SETD5: variants seen among roughly 807,000 people sequenced by gnomAD.
SETD5 encodes the protein SET domain containing 5.
A neutral mutation model predicts 153.3 loss-of-function variants in SETD5; 44 were observed. That is an observed-to-expected ratio of 0.29 (90% CI 0.23 to 0.37). The LOEUF (loss-of-function observed/expected upper bound fraction) is 0.37. SETD5 is among the 10% of genes least tolerant of loss of function. The probability of loss-of-function intolerance (pLI) is 1.00; values close to 1 mark genes in which losing one functional copy is unlikely to be tolerated. For synonymous variants in SETD5, 716 were observed against 645.2 expected (o/e 1.11, Z -1.66); for missense variants, 1,544 against 1,768.0 (o/e 0.87, Z 2.27).
chr3:9,423,481 C>T (rs904763529), intron 1 of SETD5, among the ~76,000 whole-genome samples: 2 of 152,118 alleles, frequency 1.3e-5, no homozygotes, highest in African/African-American at 4.8e-5. Flanking sequence ...CATTTACCCC[C>T]TACTGTACAC....
intron 16 of SETD5, among the ~76,000 whole-genome samples, chr3:9,450,106 CA>C (rs1559442732): frequency 6.6e-6 from 1 of 152,142 alleles, no homozygotes; most frequent in Admixed American, 6.5e-5. Context: ...TAACGAAAAC[CA>C]AAAACGTGTC....
chr3:9,472,673 T>C (rs1362389363), intron 19 of SETD5, among the ~76,000 whole-genome samples: 1 of 152,098 alleles, frequency 6.6e-6, no homozygotes, highest in Non-Finnish European at 1.5e-5. Context: ...TTCTTCTGTT[T>C]TGTTTTGTTT....
intron 12 of SETD5, 87 bp downstream of exon 12, chr3:9,445,387 G>A: frequency 7.1e-7 from 1 of 1,404,948 alleles, no homozygotes; most frequent in Non-Finnish European, 9.9e-7. Context: ...TTAAGTAGGG[G>A]AGCTATAGTA....
Position 9,434,982 on chromosome 3 carries a change from C to T in SETD5, c.388+100C>T, listed in dbSNP as rs1027064976. On this transcript the variant is annotated intron_variant, in intron 6 of 22. Coordinates refer to ENST00000402198, the MANE Select transcript of SETD5 (RefSeq NM_001080517.3). This position sits in a 1 kb window ranked among gnomAD's most constrained non-coding sequence, Gnocchi z 5.6. ...CCTCTTGGCCAGGCGCAGTGGCTTA[C>T]GCCTGTAATCTCACCACTTAGGGAG... The T allele has an allele frequency of 1.8e-5, 25 of 1,372,022 alleles. No homozygotes were observed. Among genetic ancestry groups the T allele is most frequent in the African/African-American group, 1.2e-4 (8 of 68,884 alleles). The allele number at this position is 1,372,022 out of a possible 1,614,324, so 85.0% of individuals were successfully genotyped here. A position where few individuals can be genotyped will look rare whatever the true frequency, so the allele number is the denominator to read the frequency against.
rs893656911 is a variant in SETD5, at chr3:9,415,445, A to T, written c.-176-9022A>T. ...AAGCCACTAGCTAGCTGATCCAAAG[A>T]CATTTGGCCCCATGGGCTTCTAGGA... On this transcript the variant is annotated intron_variant, in intron 1 of 22. Coordinates refer to ENST00000402198, the MANE Select transcript of SETD5 (RefSeq NM_001080517.3). 5.3e-5 allele frequency among the ~76,000 whole-genome samples: 8 copies of T among 152,180 alleles called. 1 individual carries two copies. Among genetic ancestry groups the T allele is most frequent in the African/African-American group, 1.9e-4 (8 of 41,444 alleles).
intron 6 of SETD5, 35 bp from the exon 7 acceptor site, chr3:9,435,693 A>G (rs1414973815): frequency 3.3e-6 from 5 of 1,513,698 alleles, no homozygotes; most frequent in Admixed American, 2.3e-5. Flanking sequence ...TTTTGAGGCT[A>G]TTAGTACCTG....
In SETD5 at chr3:9,475,671, C is replaced by G; in HGVS notation, c.3909C>G (p.Ala1303=). ...SLSSTSYSSP[A]HPVSTDSLAP... ...CTTCCACGTCCTATTCCAGCCCCGC[C>G]CACCCTGTGTCCACAGACTCGTTGG... The change falls in exon 23 of 23, where the codon GCC becomes GCG. Residue 1303 remains alanine, a synonymous_variant. Transcript: ENST00000402198. 1.2e-6 allele frequency: 2 copies of G among 1,614,006 alleles called. No homozygotes were observed. The highest frequency in any genetic ancestry group is 2.2e-5 in the East Asian group (1 of 44,872).
chr3:9,410,396 C>G (rs1204917683), intron 1 of SETD5, among the ~76,000 whole-genome samples: 1 of 152,188 alleles, frequency 6.6e-6, no homozygotes, highest in Non-Finnish European at 1.5e-5. Flanking sequence ...AGTCAGATTA[C>G]AGTATTTTGA....
At chr3:9,421,429 C>T (rs964647423) in intron 1 of SETD5, among the ~76,000 whole-genome samples, 2 of 152,050 alleles carry the variant, frequency 1.3e-5, no homozygotes, top group Non-Finnish European at 2.9e-5. Context: ...CAAGCCACCG[C>T]ACCTGGCCTC....
At position 9,474,239 on chromosome 3, in the gene SETD5, G is replaced by C. The variant is rs114053021; in HGVS notation, c.3498-210G>C. Among the ~76,000 whole-genome samples, 847 of 152,226 alleles carry C rather than the reference G, an allele frequency of 5.6e-3. 4 individuals carry two copies. Among genetic ancestry groups the C allele is most frequent in the African/African-American group, 0.018 (768 of 41,552 alleles). ...AACATCTTTAACCCACTTTTTCCTT[G>C]ATTTCTTTTTCTTTAAAAGTGGTTG... is the stretch of plus-strand genomic sequence containing the variant. On this transcript the variant is annotated intron_variant, in intron 20 of 22. Transcript: ENST00000402198.
rs757297765 is a variant in SETD5, at chr3:9,470,417, TTC to T, written c.2725-39_2725-38del. The stretch of plus-strand genomic sequence containing the variant: ...CCTTTCTGCCCTTTGACTTTTTCCT[TTC>T]TCCCCTACCCCATGTCTCCGTTGAT... On this transcript the variant is annotated intron_variant, in intron 18 of 22. Coordinates refer to ENST00000402198, the MANE Select transcript of SETD5 (RefSeq NM_001080517.3). 10 of 1,518,868 alleles carry T rather than the reference TTC, an allele frequency of 6.6e-6. No individual in the cohort carries two copies. The African/African-American group carries it at 1.4e-4, about 21-fold the overall frequency. 94.1% of individuals were successfully genotyped at this position (1,518,868 alleles called of 1,614,324 possible). A position where few individuals can be genotyped will look rare whatever the true frequency, so the allele number is the denominator to read the frequency against.
At chr3:9,407,319 C>T (rs1559347877) in intron 1 of SETD5, among the ~76,000 whole-genome samples, 1 of 152,138 alleles carries the variant, frequency 6.6e-6, no homozygotes, top group African/African-American at 2.4e-5. Context: ...CAGAGCAAGA[C>T]TGTGTCTCAA....
Position 9,447,260 on chromosome 3 carries a change from A to G in SETD5, c.1735A>G (p.Thr579Ala). 1.2e-6 allele frequency: 2 copies of G among 1,614,020 alleles called. No homozygotes were observed. Among genetic ancestry groups the G allele is most frequent in the Non-Finnish European group, 1.7e-6 (2 of 1,179,900 alleles). Residue 579 changes from threonine to alanine, a missense_variant, in exon 14 of 23, where the codon ACC becomes GCC. Coordinates refer to ENST00000402198, the MANE Select transcript of SETD5 (RefSeq NM_001080517.3). ...TGTTTCAAATGTTACCATCCCAAGC[A>G]CCCCACAGAGTGTTGGTGTGAATAC... ...NSVSNVTIPS[T>A]PQSVGVNTRR...
intron 13 of SETD5, 127 bp from the exon 14 acceptor site, chr3:9,446,923 G>C (rs561148772): frequency 1.6e-6 from 1 of 632,170 alleles, no homozygotes; most frequent in African/African-American, 1.8e-5. Context: ...TGTTTTCCAA[G>C]TTATATGTGT....
chr3:9,447,663 A>G (rs969917770), intron 14 of SETD5, 23 bp from the exon 15 acceptor site: 6 of 1,608,556 alleles, frequency 3.7e-6, no homozygotes, highest in African/African-American at 2.7e-5. Flanking sequence ...TCTGGTAAGC[A>G]TCTGACCCTA....
At position 9,434,484 on chromosome 3, in the gene SETD5, A is replaced by G. The variant is rs754152706; in HGVS notation, c.328A>G (p.Arg110Gly). The change falls in exon 5 of 23, where the codon AGG (arginine) becomes GGG (glycine). Residue 110 changes from arginine to glycine, a missense_variant and splice_region_variant. Transcript: ENST00000402198. This position sits in a 1 kb window ranked among gnomAD's most constrained non-coding sequence, Gnocchi z 5.6. ...CTTCCTTCTCAACTGTGACAAGTGC[A>G]GGTAAGATCCTGTTCCATCTAAATT... ...DGFLLNCDKC[R>G]GMSRGKVIRL... 3.1e-5 allele frequency: 50 copies of G among 1,613,828 alleles called. No homozygotes were observed. The highest frequency in any genetic ancestry group is 3.3e-4 in the Middle Eastern group (2 of 6,084).
intron 2 of SETD5, 117 bp from the exon 3 acceptor site, chr3:9,428,706 C>A: frequency 3.2e-6 from 1 of 308,426 alleles, no homozygotes; most frequent in South Asian, 7.6e-5. Context: ...TATAATTATC[C>A]CTTAAAAGCC....
chr3:9,434,470 A>G lies in SETD5; in HGVS notation c.314A>G (p.Asn105Ser). 3 of 1,613,980 alleles carry G rather than the reference A, an allele frequency of 1.9e-6. No homozygotes were observed. Among genetic ancestry groups the G allele is most frequent in the East Asian group, 2.2e-5 (1 of 44,876 alleles). Residue 105 changes from asparagine (N) to serine (S), a missense_variant, in exon 5 of 23, where the codon AAC (asparagine) becomes AGC (serine). This residue lies in a region of SETD5 where 251 missense variants were observed against 326.9 expected (regional missense o/e 0.77). Coordinates refer to ENST00000402198, the MANE Select transcript of SETD5 (RefSeq NM_001080517.3). The surrounding 1 kb of genome is among the most constrained non-coding windows in gnomAD (Gnocchi z 5.6). ...CTTTCTCAGGATGGCTTCCTTCTCA[A>G]CTGTGACAAGTGCAGGTAAGATCCT... ...CGLSQDGFLL[N>S]CDKCRGMSRG... is the part of the protein sequence containing the mutation.
intron 1 of SETD5, among the ~76,000 whole-genome samples, chr3:9,401,639 A>G (rs1001430097): frequency 6.6e-6 from 1 of 152,230 alleles, no homozygotes; most frequent in Non-Finnish European, 1.5e-5. Flanking sequence ...CCATGTTGAA[A>G]TAACTTATGA....
Sources: allele counts gnomAD v4.1 joint callset (sites outside exome capture counted in the v4.1 genomes callset), GRCh38; gene constraint gnomAD v4.1.1; regional missense constraint gnomAD v4.1.1; non-coding constraint Gnocchi (gnomAD v3.1); transcripts MANE v1.5; gene names NCBI Gene and HGNC (gene_info 2026-07-23, HGNC 2026-07-21).